CRPPA: variants seen among roughly 807,000 people sequenced by gnomAD.
CRPPA encodes the protein CDP-L-ribitol pyrophosphorylase A.
Under a neutral mutation model 52.0 loss-of-function variants are expected in CRPPA, and 43 were observed. The ratio of observed to expected loss-of-function variants is 0.83; its 90% CI spans 0.65 to 1.07. The LOEUF (loss-of-function observed/expected upper bound fraction) is 1.07. CRPPA is among the 50% of genes least tolerant of loss of function. The pLI is 0.00. For synonymous variants in CRPPA, 250 were observed against 203.5 expected, an observed-to-expected ratio of 1.23 and a Z score of -1.94; for missense variants, 629 against 551.7, an observed-to-expected ratio of 1.14 and a Z score of -1.40.
chr7:16,287,484 C>A (rs1345997286), intron 5 of CRPPA, among the ~76,000 whole-genome samples: 1 of 152,158 alleles, frequency 6.6e-6, no homozygotes, highest in African/African-American at 2.4e-5. Flanking sequence ...ATGGATTGAA[C>A]TGTGTTTCCC....
intron 9 of CRPPA, among the ~76,000 whole-genome samples, chr7:16,206,216 T>G (rs1018355445): frequency 6.6e-6 from 1 of 152,094 alleles, no homozygotes; most frequent in East Asian, 1.9e-4. Flanking sequence ...GTTACCTTAC[T>G]TTACAGTAAG....
At chr7:16,291,046 C>A (rs1784553825) in intron 5 of CRPPA, among the ~76,000 whole-genome samples, 1 of 152,038 alleles carries the variant, frequency 6.6e-6, no homozygotes, top group East Asian at 1.9e-4. Context: ...CATCACTAAT[C>A]CTCAGGAAAA....
chr7:16,173,697 G>C (rs1232344310), intron 9 of CRPPA, among the ~76,000 whole-genome samples: 1 of 152,070 alleles, frequency 6.6e-6, no homozygotes, highest in East Asian at 1.9e-4. Context: ...AGCTATGTAG[G>C]AATTAGTTAA....
chr7:16,158,021 C>T (rs1331871621), intron 9 of CRPPA, among the ~76,000 whole-genome samples: 1 of 151,546 alleles, frequency 6.6e-6, no homozygotes, highest in Admixed American at 6.6e-5. Flanking sequence ...ACTACAGGCA[C>T]GTGCCACCAC....
chr7:16,334,903 T>C (rs1239954732), intron 3 of CRPPA, among the ~76,000 whole-genome samples: 1 of 152,104 alleles, frequency 6.6e-6, no homozygotes, highest in Non-Finnish European at 1.5e-5. Flanking sequence ...TGTAAAGGCA[T>C]GAGAATTATG....
At chr7:16,184,241 T>C (rs935607492) in intron 9 of CRPPA, among the ~76,000 whole-genome samples, 1 of 152,132 alleles carries the variant, frequency 6.6e-6, no homozygotes, top group Non-Finnish European at 1.5e-5. Flanking sequence ...ACGCCCGGCC[T>C]GGTATTTCTT....
intron 2 of CRPPA, among the ~76,000 whole-genome samples, chr7:16,381,229 T>G (rs1401896994): frequency 6.6e-6 from 1 of 152,240 alleles, no homozygotes. Flanking sequence ...TCTTTATTTC[T>G]GCCTTCATTT....
At chr7:16,211,656 T>C (rs554384496) in intron 9 of CRPPA, among the ~76,000 whole-genome samples, 4 of 152,312 alleles carry the variant, frequency 2.6e-5, no homozygotes, top group East Asian at 1.9e-4. Context: ...TAAAGGATGA[T>C]TCCTCTATCT....
chr7:16,214,262 C>G (rs1052930312), intron 9 of CRPPA, among the ~76,000 whole-genome samples: 1 of 152,102 alleles, frequency 6.6e-6, no homozygotes, highest in South Asian at 2.1e-4. Context: ...TATAACCTGG[C>G]AACATTACAC....
chr7:16,404,677 T>C (rs1787909753), intron 2 of CRPPA, among the ~76,000 whole-genome samples: 1 of 152,094 alleles, frequency 6.6e-6, no homozygotes, highest in African/African-American at 2.4e-5. Flanking sequence ...TCTACCAAAT[T>C]GTATTGTCAT....
chr7:16,109,259 G>T (rs1270596482), intron 9 of CRPPA, among the ~76,000 whole-genome samples: 1 of 151,448 alleles, frequency 6.6e-6, no homozygotes, highest in Non-Finnish European at 1.5e-5. Flanking sequence ...AAATACAAAG[G>T]GTAAGAGACT....
chr7:16,235,415 C>G (rs1221820077), intron 8 of CRPPA, among the ~76,000 whole-genome samples: 1 of 152,004 alleles, frequency 6.6e-6, no homozygotes, highest in Non-Finnish European at 1.5e-5. Flanking sequence ...ATAACTGTGG[C>G]AAACTAGGTC....
At chr7:16,300,353 A>T (rs1218079037) in intron 5 of CRPPA, among the ~76,000 whole-genome samples, 1 of 152,172 alleles carries the variant, frequency 6.6e-6, no homozygotes, top group Non-Finnish European at 1.5e-5. Flanking sequence ...CTTCGAAAAA[A>T]GTTTGAATTT....
At chr7:16,283,227 A>G (rs1562606438) in intron 5 of CRPPA, among the ~76,000 whole-genome samples, 1 of 150,754 alleles carries the variant, frequency 6.6e-6, no homozygotes, top group Admixed American at 6.6e-5. Flanking sequence ...TATATGTATA[A>G]ATAGATAGGA....
chr7:16,323,201 T>A (rs1785301367), intron 3 of CRPPA, among the ~76,000 whole-genome samples: 1 of 152,122 alleles, frequency 6.6e-6, no homozygotes, highest in Non-Finnish European at 1.5e-5. Context: ...AGCATGATGG[T>A]GTGACTAGAT....
At chr7:16,411,924 T>C (rs1489802579) in intron 1 of CRPPA, among the ~76,000 whole-genome samples, 1 of 152,190 alleles carries the variant, frequency 6.6e-6, no homozygotes, top group African/African-American at 2.4e-5. Flanking sequence ...GAAATCAGTT[T>C]GCTACTTTTT....
At chr7:16,145,339 C>A (rs1354859520) in intron 9 of CRPPA, among the ~76,000 whole-genome samples, 1 of 152,142 alleles carries the variant, frequency 6.6e-6, no homozygotes, top group African/African-American at 2.4e-5. Flanking sequence ...CAGAAACAGT[C>A]CTACCAGGTT....
chr7:16,342,782 A>AAAAAAAAAAAATATAT (rs1554335212), intron 3 of CRPPA, among the ~76,000 whole-genome samples: 1 of 76,542 alleles, frequency 1.3e-5, no homozygotes, highest in Non-Finnish European at 2.8e-5. Context: ...AAAAAAAAAA[A>AAAAAAAAAAAATATAT]ATATATATAT....
intron 9 of CRPPA, among the ~76,000 whole-genome samples, chr7:16,157,554 A>G (rs1562530421): frequency 6.6e-6 from 1 of 152,164 alleles, no homozygotes; most frequent in Non-Finnish European, 1.5e-5. Flanking sequence ...TAAATCAGCT[A>G]GTATTTTTTT....
Sources: gnomAD v4.1 joint callset for allele counts (sites outside exome capture counted in the v4.1 genomes callset) on GRCh38, gnomAD v4.1.1 for gene constraint, MANE v1.5 for transcripts, NCBI Gene and HGNC (gene_info 2026-07-23, HGNC 2026-07-21) for gene names.